RSPH1: variants seen among roughly 807,000 people sequenced by gnomAD.
RSPH1 encodes radial spoke head component 1.
Under a neutral mutation model 44.2 loss-of-function variants are expected in RSPH1, and 32 were observed. That is an observed-to-expected ratio of 0.72 (90% CI 0.55 to 0.97). RSPH1 has a LOEUF of 0.97. Ranked by LOEUF, RSPH1 falls within the 50% of genes least tolerant of loss-of-function variation. The pLI, the probability that RSPH1 is intolerant of heterozygous loss-of-function variation, is 0.00. For missense variants in RSPH1, 391 were observed against 398.7 expected (o/e 0.98, Z 0.16); for synonymous variants, 134 against 147.3 (o/e 0.91, Z 0.65).
At chr21:42,482,923 A>G (rs1242707670) in intron 5 of RSPH1, among the ~76,000 whole-genome samples, 1 of 152,208 alleles carries the variant, frequency 6.6e-6, no homozygotes, top group East Asian at 1.9e-4. Flanking sequence ...TTACTTTTTT[A>G]TAAAAGTGAT....
At chr21:42,479,656 A>G (rs538782510) in intron 6 of RSPH1, among the ~76,000 whole-genome samples, 2 of 151,558 alleles carry the variant, frequency 1.3e-5, no homozygotes, top group Admixed American at 1.3e-4. Flanking sequence ...AATACTAAAT[A>G]CCTCCCTGTC....
At position 42,485,527 on chromosome 21, in the gene RSPH1, C is replaced by T. The variant is rs972558747; in HGVS notation, c.501+142G>A. On this transcript the variant is annotated intron_variant, in intron 5 of 8. Transcript: ENST00000291536. ...GGTACCAGAGGCTCAGAGAATGGCA[C>T]AGCTGTCCTGTTCTCCACATTTGAA... 6 of 914,134 alleles carry T rather than the reference C, an allele frequency of 6.6e-6. No homozygotes were observed. The South Asian group carries it at 8.1e-5, about 12-fold the overall frequency. 56.6% of individuals were successfully genotyped at this position (914,134 alleles called of 1,614,324 possible).
intron 8 of RSPH1, among the ~76,000 whole-genome samples, 170 bp downstream of exon 8, chr21:42,475,728 G>A (rs1449632286): frequency 7.8e-6 from 1 of 128,060 alleles, no homozygotes; most frequent in Admixed American, 9.2e-5. Context: ...GCCTGCCAGG[G>A]AGCAACGTTC....
intron 5 of RSPH1, among the ~76,000 whole-genome samples, chr21:42,483,461 TG>T (rs66906364): frequency 0.32 from 49,293 of 151,944 alleles, 9,474 homozygotes; most frequent in Admixed American, 0.53. Context: ...TATTTTTACA[TG>T]TTTTTTTATA....
chr21:42,477,161 C>T lies in RSPH1; in HGVS notation c.727+130G>A, dbSNP rs1415950618. 2.2e-5 allele frequency: 14 copies of T among 639,552 alleles called. 3 individuals carry two copies. The African/African-American group carries it at 2.4e-4, about 11-fold the overall frequency. 39.6% of individuals were successfully genotyped at this position (639,552 alleles called of 1,614,324 possible). ...CCTCTGCCCCCTCCACCCCACAGCC[C>T]GGGGATGCCCCACACCCTCTGACCC... On this transcript the variant is annotated intron_variant, in intron 7 of 8. Transcript: ENST00000291536.
intron 3 of RSPH1, among the ~76,000 whole-genome samples, chr21:42,488,378 G>A (rs1308876770): frequency 6.6e-6 from 1 of 152,168 alleles, no homozygotes; most frequent in Admixed American, 6.5e-5. Context: ...TACACATGGA[G>A]CTGGGAAGAG....
rs1052418829 is a variant in RSPH1, at chr21:42,496,187, G to T, written c.-1C>A. ...ACTCCTCCGAGCCCAGGTCCGACAT[G>T]GTCTCGCCCCAGCCTGGATCACAGC... On this transcript the variant is annotated 5_prime_UTR_variant, in exon 1 of 9. Coordinates refer to ENST00000291536, the MANE Select transcript of RSPH1 (RefSeq NM_080860.4). 6.2e-7 allele frequency: 1 copy of T among 1,614,178 alleles called. No individual in the cohort carries two copies. The highest frequency in any genetic ancestry group is 1.7e-5 in the Admixed American group (1 of 60,028).
At chr21:42,494,956 T>TC (rs1317720152) in intron 1 of RSPH1, among the ~76,000 whole-genome samples, 2 of 152,164 alleles carry the variant, frequency 1.3e-5, no homozygotes, top group African/African-American at 4.8e-5. Context: ...CACCTCGGCC[T>TC]CCCAAAGTGC....
intron 4 of RSPH1, chr21:42,486,048 T>C: frequency 1.7e-6 from 1 of 594,774 alleles, no homozygotes; most frequent in South Asian, 2.0e-5. Context: ...TGTCAGCTGC[T>C]TTCCCCAGGG....
chr21:42,484,000 G>T (rs1029404441), intron 5 of RSPH1, among the ~76,000 whole-genome samples: 1 of 152,094 alleles, frequency 6.6e-6, no homozygotes. Flanking sequence ...GTGTGTGTGT[G>T]TGTGTGTATC....
At chr21:42,483,337 G>T (rs1244013143) in intron 5 of RSPH1, among the ~76,000 whole-genome samples, 4 of 151,598 alleles carry the variant, frequency 2.6e-5, no homozygotes, top group Admixed American at 2.6e-4. Flanking sequence ...AGAATTTCTG[G>T]ACAAAAGCAT....
intron 3 of RSPH1, among the ~76,000 whole-genome samples, chr21:42,492,479 G>A (rs576206460): frequency 1.4e-4 from 21 of 152,330 alleles, no homozygotes; most frequent in East Asian, 1.2e-3. Context: ...CGAGGCCTGC[G>A]TCCACTCAGG....
chr21:42,483,207 C>T (rs2054146917), intron 5 of RSPH1, among the ~76,000 whole-genome samples: 1 of 151,614 alleles, frequency 6.6e-6, no homozygotes, highest in Non-Finnish European at 1.5e-5. Context: ...CTATTTTACT[C>T]AGTTACTATT....
chr21:42,486,118 C>A (rs2054178110), intron 4 of RSPH1: 1 of 572,734 alleles, frequency 1.7e-6, no homozygotes, highest in East Asian at 2.9e-5. Context: ...CTGTGCCCTC[C>A]ACTCCCTGGG....
At chr21:42,476,104 C>T (rs2054046106) in intron 7 of RSPH1, 57 bp from the exon 8 acceptor site, 1 of 1,584,086 alleles carries the variant, frequency 6.3e-7, no homozygotes, top group Non-Finnish European at 8.6e-7. Flanking sequence ...AGCCTGCAGA[C>T]CTGTGCAGGG....
chr21:42,485,764 T>A lies in RSPH1; in HGVS notation c.406A>T (p.Lys136Ter). Residue 136 changes from lysine to a stop codon, truncating the protein, a stop_gained, in exon 5 of 9, where the codon AAG (lysine) becomes TAG (stop). Coordinates refer to ENST00000291536, the MANE Select transcript of RSPH1 (RefSeq NM_080860.4). LOFTEE classifies it high-confidence loss of function. ...GTYLYAETGS[K>*]YVGTWVNGQQ... is the part of the protein sequence containing the mutation. Reference sequence around the variant, plus strand: ...CCGTTCACCCAGGTGCCAACATACTTACTGCCCGTCTCCGCGTATAAATAG... The same window carrying A: ...CCGTTCACCCAGGTGCCAACATACTAACTGCCCGTCTCCGCGTATAAATAG... 1 of 1,614,212 alleles carries A rather than the reference T, an allele frequency of 6.2e-7. No individual in the cohort carries two copies. The highest frequency in any genetic ancestry group is 8.5e-7 in the Non-Finnish European group (1 of 1,180,028).
chr21:42,487,210 A>T (rs2054189125), intron 3 of RSPH1, among the ~76,000 whole-genome samples: 1 of 152,240 alleles, frequency 6.6e-6, no homozygotes, highest in South Asian at 2.1e-4. Context: ...TGATGTGGAC[A>T]ACTGCAAACT....
chr21:42,494,945 C>A (rs971567177), intron 1 of RSPH1, among the ~76,000 whole-genome samples: 2 of 152,130 alleles, frequency 1.3e-5, no homozygotes, highest in Non-Finnish European at 2.9e-5. Context: ...GGCAATCTGC[C>A]CACCTCGGCC....
intron 1 of RSPH1, chr21:42,495,920 T>A: frequency 1.8e-6 from 1 of 555,024 alleles, no homozygotes. Flanking sequence ...CGAGGCGGCA[T>A]GTGGTAACCA....
Sources: allele counts gnomAD v4.1 joint callset (sites outside exome capture counted in the v4.1 genomes callset), GRCh38; gene constraint gnomAD v4.1.1; transcripts MANE v1.5; gene names NCBI Gene and HGNC (gene_info 2026-07-23, HGNC 2026-07-21).